The following PLXNA4 variants were observed in gnomAD, a reference collection of about 807,000 sequenced individuals.
The protein encoded by PLXNA4 is plexin-A4.
In PLXNA4, 44 loss-of-function variants were observed where a neutral mutation model predicts 191.8. The observed-to-expected ratio is 0.23, with a 90% CI of 0.18 to 0.29. The LOEUF (loss-of-function observed/expected upper bound fraction) is 0.29, where lower values mean the gene tolerates loss of function less well. Ranked by LOEUF, PLXNA4 falls within the 10% of genes least tolerant of loss-of-function variation. The pLI, the probability that PLXNA4 is intolerant of heterozygous loss-of-function variation, is 1.00. For missense variants in PLXNA4, 1,800 were observed against 2,488.8 expected, an observed-to-expected ratio of 0.72 and a Z score of 5.89; for synonymous variants, 1,082 against 1,009.5, an observed-to-expected ratio of 1.07 and a Z score of -1.36.
At chr7:132,286,483 A>G (rs1189528067) in intron 4 of PLXNA4, among the ~76,000 whole-genome samples, 1 of 152,216 alleles carries the variant, frequency 6.6e-6, no homozygotes, top group African/African-American at 2.4e-5. Context: ...ACAGATGCTT[A>G]ATGGAGTTCA....
At chr7:132,407,637 A>G (rs1321465527) in intron 3 of PLXNA4, among the ~76,000 whole-genome samples, 1 of 152,174 alleles carries the variant, frequency 6.6e-6, no homozygotes, top group Non-Finnish European at 1.5e-5. Flanking sequence ...ACGTCAATAC[A>G]TCTCTCCTGG....
intron 17 of PLXNA4, among the ~76,000 whole-genome samples, 200 bp from the exon 18 acceptor site, chr7:132,181,820 G>T (rs1796717630): frequency 6.6e-6 from 1 of 152,190 alleles, no homozygotes; most frequent in African/African-American, 2.4e-5. Flanking sequence ...GCCCATAGTG[G>T]GTGTGGCAAT....
Position 132,493,766 on chromosome 7 carries a change from G to C in PLXNA4, c.1189-4292C>G, listed in dbSNP as rs1432797808. Among the ~76,000 whole-genome samples the C allele has an allele frequency of 2.6e-5, 4 of 151,718 alleles. No individual in the cohort carries two copies. In the East Asian group the frequency reaches 7.7e-4, roughly 29 times the overall value. On this transcript the variant is annotated intron_variant, in intron 2 of 31. Coordinates refer to ENST00000321063, the MANE Select transcript of PLXNA4 (RefSeq NM_020911.2). ...GGATGGGTGGATGGATGGATGGATG[G>C]ATGGATGGATGGATGGATGGATGGA...
intron 5 of PLXNA4, among the ~76,000 whole-genome samples, chr7:132,231,711 C>T (rs1004156499): frequency 6.6e-6 from 1 of 152,254 alleles, no homozygotes; most frequent in Non-Finnish European, 1.5e-5. Flanking sequence ...AGGCGTGAGC[C>T]ACCATGCCCA....
chr7:132,515,510 T>A (rs1457966251), intron 1 of PLXNA4, among the ~76,000 whole-genome samples: 1 of 152,194 alleles, frequency 6.6e-6, no homozygotes, highest in African/African-American at 2.4e-5. Context: ...ACCTCTCTAA[T>A]ACACTATTTT....
At position 132,127,901 on chromosome 7, in the gene PLXNA4, CAT is replaced by C. The variant is rs1794816240; in HGVS notation, c.*2576_*2577del. On this transcript the variant is annotated 3_prime_UTR_variant, in exon 32 of 32. Coordinates refer to ENST00000321063, the MANE Select transcript of PLXNA4 (RefSeq NM_020911.2). ...CCAAAGTAACAATAACAATAATCAT[CAT>C]CCAGTAAAAAATAAAAGCTTCAGCA... The C allele has an allele frequency of 1.3e-5, 2 of 148,796 alleles. No homozygotes were observed. The highest frequency in any genetic ancestry group is 4.2e-4 in the South Asian group (2 of 4,734). The allele number at this position is 148,796 out of a possible 1,614,324, so 9.2% of individuals were successfully genotyped here. A position where few individuals can be genotyped will look rare whatever the true frequency, so the allele number is the denominator to read the frequency against.
intron 14 of PLXNA4, among the ~76,000 whole-genome samples, chr7:132,188,924 T>G (rs1449669630): frequency 2.4e-5 from 3 of 126,760 alleles, no homozygotes; most frequent in Non-Finnish European, 3.4e-5. Flanking sequence ...GTGCCCATCT[T>G]AAAGTATCCC....
intron 3 of PLXNA4, among the ~76,000 whole-genome samples, chr7:132,397,332 C>A (rs1793808697): frequency 6.6e-6 from 1 of 152,196 alleles, no homozygotes; most frequent in South Asian, 2.1e-4. Flanking sequence ...CTGAAACCTG[C>A]AGCAATGAAG....
intron 3 of PLXNA4, among the ~76,000 whole-genome samples, chr7:132,474,303 A>G (rs1401926259): frequency 1.3e-5 from 2 of 151,528 alleles, no homozygotes; most frequent in Non-Finnish European, 2.9e-5. Flanking sequence ...AAAGACACAA[A>G]ATTAGTTTAG....
intron 12 of PLXNA4, among the ~76,000 whole-genome samples, chr7:132,200,319 G>A (rs866208979): frequency 6.6e-6 from 1 of 152,184 alleles, no homozygotes; most frequent in Admixed American, 6.5e-5. Context: ...TTGGTTTCTT[G>A]TTGAGGGCTC....
At chr7:132,209,916 G>C (rs990457304) in intron 10 of PLXNA4, among the ~76,000 whole-genome samples, 1 of 152,164 alleles carries the variant, frequency 6.6e-6, no homozygotes, top group Non-Finnish European at 1.5e-5. Flanking sequence ...GGCACATTTT[G>C]GGGTGCATTA....
intron 3 of PLXNA4, among the ~76,000 whole-genome samples, chr7:132,413,068 G>A (rs551247253): frequency 6.6e-6 from 1 of 152,214 alleles, no homozygotes; most frequent in African/African-American, 2.4e-5. Flanking sequence ...AAGGCATGCT[G>A]TTCTTATACA....
chr7:132,639,939 A>G (rs1260517702), intron 2 of PLXNA4, among the ~76,000 whole-genome samples: 1 of 152,204 alleles, frequency 6.6e-6, no homozygotes, highest in African/African-American at 2.4e-5. Flanking sequence ...GGGTAAGAAC[A>G]CTGTCCAGGT....
rs187153507 is a variant in PLXNA4, at chr7:132,333,043, T to A, written c.1372-34821A>T. Among the ~76,000 whole-genome samples the A allele has an allele frequency of 1.4e-4, 22 of 152,324 alleles. No individual in the cohort carries two copies. The East Asian group carries it at 2.1e-3, about 15-fold the overall frequency. On this transcript the variant is annotated intron_variant, in intron 3 of 31. Transcript: ENST00000321063. ...AAATGCTGTTTACAACCCACTAAAC[T>A]GCTTTCATGACACATTAATGGGTCT...
intron 3 of PLXNA4, among the ~76,000 whole-genome samples, chr7:132,364,596 G>C (rs947051206): frequency 6.6e-6 from 1 of 152,186 alleles, no homozygotes; most frequent in Admixed American, 6.5e-5. Context: ...CCCACAGAGG[G>C]TCATTTAGCC....
intron 1 of PLXNA4, among the ~76,000 whole-genome samples, chr7:132,537,163 T>G (rs1034818433): frequency 6.6e-6 from 1 of 152,192 alleles, no homozygotes; most frequent in African/African-American, 2.4e-5. Flanking sequence ...ACAGAGATCT[T>G]GATCCTGTCT....
intron 5 of PLXNA4, among the ~76,000 whole-genome samples, chr7:132,233,683 G>C (rs1798598492): frequency 6.6e-6 from 1 of 152,180 alleles, no homozygotes; most frequent in Admixed American, 6.5e-5. Flanking sequence ...CAGGTTCAGG[G>C]GTTGAGTGGA....
chr7:132,634,910 C>A (rs1803566127), intron 2 of PLXNA4, among the ~76,000 whole-genome samples: 1 of 152,146 alleles, frequency 6.6e-6, no homozygotes, highest in Non-Finnish European at 1.5e-5. Context: ...GGCAGGCCCA[C>A]CCTTAATCTG....
intron 3 of PLXNA4, among the ~76,000 whole-genome samples, chr7:132,364,419 T>C (rs1377230094): frequency 2.0e-5 from 3 of 152,220 alleles, no homozygotes; most frequent in African/African-American, 7.2e-5. Flanking sequence ...CTCCTTGTCC[T>C]CTCTGCACTG....
Sources: gnomAD v4.1 joint callset for allele counts (sites outside exome capture counted in the v4.1 genomes callset) on GRCh38, gnomAD v4.1.1 for gene constraint, MANE v1.5 for transcripts, NCBI Gene and HGNC (gene_info 2026-07-23, HGNC 2026-07-21) for gene names.